CCSER1: variants seen among roughly 807,000 people sequenced by gnomAD.
The protein encoded by CCSER1 is serine-rich coiled-coil domain-containing protein 1.
Under a neutral mutation model 82.0 loss-of-function variants are expected in CCSER1, and 41 were observed. That is an observed-to-expected ratio of 0.50 (90% CI 0.39 to 0.65). The LOEUF (loss-of-function observed/expected upper bound fraction) is 0.65. CCSER1 is among the 30% of genes least tolerant of loss of function. The pLI is 0.00. For synonymous variants in CCSER1, 414 were observed against 383.9 expected, an observed-to-expected ratio of 1.08 and a Z score of -0.92; for missense variants, 1,119 against 1,064.2, an observed-to-expected ratio of 1.05 and a Z score of -0.72.
intron 6 of CCSER1, among the ~76,000 whole-genome samples, chr4:90,665,470 C>T (rs1049536626): frequency 6.6e-6 from 1 of 151,960 alleles, no homozygotes; most frequent in African/African-American, 2.4e-5. Flanking sequence ...TACAGGCACC[C>T]GCCACCTCGC....
chr4:90,192,491 T>G (rs1735838018), intron 1 of CCSER1, among the ~76,000 whole-genome samples: 1 of 152,044 alleles, frequency 6.6e-6, no homozygotes, highest in African/African-American at 2.4e-5. Flanking sequence ...AATTTCAGCT[T>G]TGGAGCCACA....
Position 90,910,659 on chromosome 4 carries a change from G to T in CCSER1, c.2095-12711G>T, listed in dbSNP as rs770143532. On this transcript the variant is annotated intron_variant, in intron 8 of 10. Coordinates refer to ENST00000509176, the MANE Select transcript of CCSER1 (RefSeq NM_001145065.2). ...TTTCTAGTTCAGGTAGCATAAGGCT[G>T]AATAAAAATAAATATGTTATCCAGA... is the stretch of plus-strand genomic sequence containing the variant. Among the ~76,000 whole-genome samples the T allele has an allele frequency of 2.0e-5, 3 of 152,288 alleles. No homozygotes were observed. The South Asian group carries it at 6.2e-4, about 32-fold the overall frequency.
At chr4:90,861,387 A>G (rs905120968) in intron 8 of CCSER1, among the ~76,000 whole-genome samples, 2 of 151,782 alleles carry the variant, frequency 1.3e-5, no homozygotes, top group African/African-American at 4.8e-5. Flanking sequence ...AGTATTATGT[A>G]TAATGATTGA....
chr4:90,687,144 G>A (rs1407347580), intron 6 of CCSER1, among the ~76,000 whole-genome samples: 2 of 151,834 alleles, frequency 1.3e-5, no homozygotes, highest in Non-Finnish European at 2.9e-5. Context: ...CTTAGAACAA[G>A]TATATTTTTC....
intron 8 of CCSER1, among the ~76,000 whole-genome samples, chr4:90,881,166 A>G (rs1475334027): frequency 6.6e-6 from 1 of 152,160 alleles, no homozygotes; most frequent in African/African-American, 2.4e-5. Flanking sequence ...CCTAAAGTTT[A>G]TACTTTCACT....
intron 1 of CCSER1, among the ~76,000 whole-genome samples, chr4:90,210,724 C>T (rs1739821997): frequency 1.3e-5 from 2 of 152,108 alleles, no homozygotes; most frequent in African/African-American, 4.8e-5. Flanking sequence ...GGATTATGGG[C>T]ATGAACTACC....
At chr4:91,467,539 G>T (rs1315232287) in intron 10 of CCSER1, among the ~76,000 whole-genome samples, 1 of 152,108 alleles carries the variant, frequency 6.6e-6, no homozygotes, top group Non-Finnish European at 1.5e-5. Context: ...CACAGCAAAA[G>T]AAACTACCAT....
chr4:91,374,043 A>T (rs1348568274), intron 10 of CCSER1, among the ~76,000 whole-genome samples: 1 of 152,160 alleles, frequency 6.6e-6, no homozygotes, highest in African/African-American at 2.4e-5. Flanking sequence ...AGTCACAGAG[A>T]AAAGTTTGAA....
rs552377985 is a variant in CCSER1 at position 90,739,904 on chromosome 4, C to T, written c.2010+15913C>T. On this transcript the variant is annotated intron_variant, in intron 7 of 10. Coordinates refer to ENST00000509176, the MANE Select transcript of CCSER1 (RefSeq NM_001145065.2). ...TTATCCTCTTCAGTGCCTCTTTACT[C>T]GATATGATGTTAAAACCAGGTACTG... Among the ~76,000 whole-genome samples the T allele has an allele frequency of 1.2e-4, 18 of 152,248 alleles. No individual in the cohort carries two copies. The South Asian group carries it at 3.3e-3, about 28-fold the overall frequency.
intron 10 of CCSER1, among the ~76,000 whole-genome samples, chr4:91,269,173 G>A (rs1216812188): frequency 6.6e-6 from 1 of 152,180 alleles, no homozygotes. Flanking sequence ...GGCATGCCTT[G>A]GGCAGGTCTA....
chr4:91,156,007 C>G (rs1730779663), intron 10 of CCSER1, among the ~76,000 whole-genome samples: 1 of 151,520 alleles, frequency 6.6e-6, no homozygotes, highest in Non-Finnish European at 1.5e-5. Context: ...TATTAAGACC[C>G]TATGTTTTAG....
At chr4:90,942,027 A>G (rs1453118101) in intron 9 of CCSER1, among the ~76,000 whole-genome samples, 1 of 151,894 alleles carries the variant, frequency 6.6e-6, no homozygotes, top group East Asian at 1.9e-4. Flanking sequence ...TTGACCCTGC[A>G]ACGTCTGCCT....
intron 5 of CCSER1, among the ~76,000 whole-genome samples, chr4:90,503,823 A>G (rs2153613141): frequency 6.6e-6 from 1 of 152,262 alleles, no homozygotes; most frequent in Non-Finnish European, 1.5e-5. Context: ...TTAATTATAT[A>G]TAATTTTTAA....
chr4:91,040,296 TGTG>T, intron 9 of CCSER1, among the ~76,000 whole-genome samples: 1 of 152,294 alleles, frequency 6.6e-6, no homozygotes, highest in South Asian at 2.1e-4. Context: ...AATTTAAAAA[TGTG>T]AAATAATTCA....
At chr4:90,965,193 T>C (rs1444121035) in intron 9 of CCSER1, among the ~76,000 whole-genome samples, 1 of 152,142 alleles carries the variant, frequency 6.6e-6, no homozygotes, top group Admixed American at 6.5e-5. Context: ...TTTCAGTTGC[T>C]TGAGGCAGTG....
Position 90,912,832 on chromosome 4 carries a change from G to A in CCSER1, c.2095-10538G>A, listed in dbSNP as rs188586518. On this transcript the variant is annotated intron_variant, in intron 8 of 10. Transcript: ENST00000509176. The stretch of plus-strand genomic sequence containing the variant: ...ATGAAAACCATGTCACGAGAACTAC[G>A]TGACGAATGCCCAAGCTTCAGTAGC... Among the ~76,000 whole-genome samples the A allele has an allele frequency of 3.1e-3, 476 of 152,292 alleles. 1 individual carries two copies. The highest frequency in any genetic ancestry group is 6.8e-3 in the Middle Eastern group (2 of 294).
chr4:90,954,002 CA>C (rs1733177032), intron 9 of CCSER1, among the ~76,000 whole-genome samples: 1 of 151,938 alleles, frequency 6.6e-6, no homozygotes, highest in South Asian at 2.1e-4. Flanking sequence ...ATAAAAGTAG[CA>C]TACAGCTTCT....
intron 10 of CCSER1, among the ~76,000 whole-genome samples, chr4:91,357,917 C>A (rs1316904262): frequency 9.6e-6 from 1 of 104,388 alleles, no homozygotes; most frequent in Non-Finnish European, 1.8e-5. Context: ...GATAACCATT[C>A]CTTTTTTTAA....
intron 10 of CCSER1, among the ~76,000 whole-genome samples, chr4:91,466,141 A>G (rs983884681): frequency 6.6e-6 from 1 of 152,212 alleles, no homozygotes; most frequent in Admixed American, 6.5e-5. Context: ...AGCACGTCAA[A>G]AAGCTTATCC....
Sources: gnomAD v4.1 joint callset for allele counts (sites outside exome capture counted in the v4.1 genomes callset) on GRCh38, gnomAD v4.1.1 for gene constraint, MANE v1.5 for transcripts, NCBI Gene and HGNC (gene_info 2026-07-23, HGNC 2026-07-21) for gene names.